DIP2C: variants seen among roughly 807,000 people sequenced by gnomAD.
DIP2C encodes DIP2 acetate--CoA ligase C (putative).
A neutral mutation model predicts 192.4 loss-of-function variants in DIP2C; 33 were observed. That is an observed-to-expected ratio of 0.17 (90% CI 0.13 to 0.23). The LOEUF is 0.23. Ranked by LOEUF, DIP2C falls within the 10% of genes least tolerant of loss-of-function variation. The probability of loss-of-function intolerance (pLI) is 1.00; values close to 1 mark genes in which losing one functional copy is unlikely to be tolerated. For synonymous variants in DIP2C, 979 were observed against 864.1 expected, an observed-to-expected ratio of 1.13 and a Z score of -2.33; for missense variants, 1,537 against 2,110.1, an observed-to-expected ratio of 0.73 and a Z score of 5.32.
chr10:602,330 G>GATGTGGCT (rs1852139982), intron 1 of DIP2C, among the ~76,000 whole-genome samples: 1 of 152,208 alleles, frequency 6.6e-6, no homozygotes, highest in African/African-American at 2.4e-5. Context: ...AGCTGAGAAG[G>GATGTGGCT]CTGTGGCTCT....
chr10:384,251 G>C, intron 15 of DIP2C, 105 bp from the exon 16 acceptor site: 1 of 1,216,516 alleles, frequency 8.2e-7, no homozygotes, highest in Non-Finnish European at 1.1e-6. Context: ...AGAATCACTG[G>C]TCACCCAGCC....
chr10:414,387 C>T (rs1026680915), intron 7 of DIP2C, among the ~76,000 whole-genome samples: 1 of 152,202 alleles, frequency 6.6e-6, no homozygotes, highest in African/African-American at 2.4e-5. Context: ...CTGCGCTGCA[C>T]ACTGTGCCCA....
In DIP2C at chr10:341,255, C is replaced by T. The variant is rs1958130442; in HGVS notation, c.3528G>A (p.Val1176=). Residue 1176 remains valine, a synonymous_variant, in exon 29 of 37, where the codon GTG becomes GTA. Coordinates refer to ENST00000280886, the MANE Select transcript of DIP2C (RefSeq NM_014974.3). ...CACAGTAAGGGTCCAGGCAGATGGC[C>T]ACTTCTCTAGAGGGGTAAAGTTCAC... ...LQCELYPSRE[V]AICLDPYCGL... The T allele has an allele frequency of 6.2e-7, 1 of 1,614,048 alleles. No individual in the cohort carries two copies. Among genetic ancestry groups the T allele is most frequent in the African/African-American group, 1.3e-5 (1 of 74,918 alleles).
At chr10:412,464 G>C (rs1024553086) in intron 8 of DIP2C, among the ~76,000 whole-genome samples, 1 of 152,156 alleles carries the variant, frequency 6.6e-6, no homozygotes, top group Non-Finnish European at 1.5e-5. Flanking sequence ...TCATGCTTTT[G>C]ACTCAATAAA....
At position 274,927 on chromosome 10, in the gene DIP2C, G is replaced by A. The variant is rs1357190117; in HGVS notation, c.*2398C>T. 1 of 152,122 alleles carries A rather than the reference G, an allele frequency of 6.6e-6. No individual in the cohort carries two copies. The highest frequency in any genetic ancestry group is 1.5e-5 in the Non-Finnish European group (1 of 68,030). 9.4% of individuals were successfully genotyped at this position (152,122 alleles called of 1,614,324 possible). ...GAATACAGAATGACCCTTCTTTATT[G>A]CTGAAACTGGTGGTACTAAGTGTCT... is the stretch of plus-strand genomic sequence containing the variant. On this transcript the variant is annotated 3_prime_UTR_variant, in exon 37 of 37. Coordinates refer to ENST00000280886, the MANE Select transcript of DIP2C (RefSeq NM_014974.3).
intron 1 of DIP2C, among the ~76,000 whole-genome samples, chr10:645,576 T>C (rs970368180): frequency 5.9e-5 from 9 of 152,222 alleles, no homozygotes; most frequent in African/African-American, 2.2e-4. Flanking sequence ...TTGATGGTGG[T>C]ATTATAAGTA....
At chr10:536,818 CA>C (rs546212200) in intron 1 of DIP2C, among the ~76,000 whole-genome samples, 245 of 152,202 alleles carry the variant, frequency 1.6e-3, no homozygotes, top group African/African-American at 5.6e-3. Flanking sequence ...GTGGGAAATC[CA>C]AAGGGAAAAG....
intron 24 of DIP2C, 32 bp from the exon 25 acceptor site, chr10:349,486 G>T (rs538472975): frequency 2.5e-6 from 4 of 1,583,172 alleles, no homozygotes; most frequent in Admixed American, 1.7e-5. Flanking sequence ...AAGCACATAA[G>T]ATTCCTTCAG....
At chr10:627,748 T>C (rs984862898) in intron 1 of DIP2C, among the ~76,000 whole-genome samples, 27 of 152,394 alleles carry the variant, frequency 1.8e-4, no homozygotes, top group African/African-American at 6.2e-4. Context: ...CCAAAAGCTC[T>C]GCTCCTGCCA....
chr10:441,312 G>C, intron 3 of DIP2C: 1 of 289,142 alleles, frequency 3.5e-6, no homozygotes, highest in South Asian at 4.5e-5. Flanking sequence ...TCACACGTTC[G>C]AGCCTCCAAA....
At chr10:639,739 T>C (rs1387808754) in intron 1 of DIP2C, among the ~76,000 whole-genome samples, 2 of 152,266 alleles carry the variant, frequency 1.3e-5, no homozygotes, top group Non-Finnish European at 2.9e-5. Context: ...AGGCATATTG[T>C]GCCTGTTTTA....
chr10:571,324 C>T (rs2131527336), intron 1 of DIP2C, among the ~76,000 whole-genome samples: 1 of 152,312 alleles, frequency 6.6e-6, no homozygotes, highest in South Asian at 2.1e-4. Flanking sequence ...TCCCCCCGGC[C>T]ATCACACTTC....
chr10:315,348 C>T (rs1238678404), intron 31 of DIP2C, among the ~76,000 whole-genome samples: 1 of 152,058 alleles, frequency 6.6e-6, no homozygotes, highest in Non-Finnish European at 1.5e-5. Flanking sequence ...AAAATTTGGG[C>T]TTCATTTTGC....
chr10:440,416 G>A (rs1240208199), intron 4 of DIP2C, among the ~76,000 whole-genome samples: 1 of 152,152 alleles, frequency 6.6e-6, no homozygotes. Flanking sequence ...CAACTTGCAG[G>A]CAAAGTTTAT....
intron 1 of DIP2C, among the ~76,000 whole-genome samples, chr10:675,412 T>C (rs368118375): frequency 3.3e-5 from 5 of 150,600 alleles, no homozygotes; most frequent in Non-Finnish European, 7.4e-5. Context: ...CCAAAAGTGG[T>C]AGGAGAAAAG....
chr10:346,280 A>G (rs1958447236), intron 26 of DIP2C, among the ~76,000 whole-genome samples: 1 of 59,140 alleles, frequency 1.7e-5, no homozygotes, highest in African/African-American at 8.3e-5. Flanking sequence ...ACCCAGACAC[A>G]TCGCGCATAG....
intron 4 of DIP2C, among the ~76,000 whole-genome samples, chr10:435,851 T>C (rs889977092): frequency 1.3e-5 from 2 of 152,206 alleles, no homozygotes; most frequent in Non-Finnish European, 2.9e-5. Flanking sequence ...ATATTTATAA[T>C]TGTAGATTTA....
At chr10:328,922 A>G (rs890777959) in intron 30 of DIP2C, among the ~76,000 whole-genome samples, 1 of 152,252 alleles carries the variant, frequency 6.6e-6, no homozygotes, top group Non-Finnish European at 1.5e-5. Context: ...AATGGAGGGA[A>G]ATACTATTAT....
intron 1 of DIP2C, among the ~76,000 whole-genome samples, chr10:601,649 C>T (rs187227753): frequency 6.6e-6 from 1 of 152,310 alleles, no homozygotes; most frequent in Non-Finnish European, 1.5e-5. Flanking sequence ...AAGTCTACCC[C>T]GTAAGCAGAA....
Sources: gnomAD v4.1 joint callset for allele counts (sites outside exome capture counted in the v4.1 genomes callset) on GRCh38, gnomAD v4.1.1 for gene constraint, MANE v1.5 for transcripts, NCBI Gene and HGNC (gene_info 2026-07-23, HGNC 2026-07-21) for gene names.